PCDHGB2: variants seen among roughly 807,000 people sequenced by gnomAD.
PCDHGB2 encodes protocadherin gamma-B2.
In PCDHGB2, 55 loss-of-function variants were observed where a neutral mutation model predicts 59.3. The observed-to-expected ratio is 0.93, with a 90% CI of 0.75 to 1.16. The LOEUF (loss-of-function observed/expected upper bound fraction) is 1.16. PCDHGB2 is among the 50% of genes most tolerant of loss of function. PCDHGB2 has a pLI of 0.00. For missense variants in PCDHGB2, 1,228 were observed against 1,198.5 expected, an observed-to-expected ratio of 1.02 and a Z score of -0.36; for synonymous variants, 516 against 512.0, an observed-to-expected ratio of 1.01 and a Z score of -0.11.
At chr5:141,409,769 G>T (rs1413636372) in intron 1 of PCDHGB2, 3 of 1,612,776 alleles carry the variant, frequency 1.9e-6, no homozygotes, top group Middle Eastern at 1.7e-4. Flanking sequence ...CTTTGATCAC[G>T]AGCAGCTGCG....
chr5:141,486,901 T>A lies in PCDHGB2; in HGVS notation c.2422-7906T>A. The A allele has an allele frequency of 6.2e-7, 1 of 1,614,238 alleles. No homozygotes were observed. Among genetic ancestry groups the A allele is most frequent in the Non-Finnish European group, 8.5e-7 (1 of 1,180,042 alleles). ...CTCGGGCCCGGCCTGGTTCCTTATG[T>A]CCCCAAGCACTGCCTCCATCAGTTG... On this transcript the variant is annotated intron_variant, in intron 1 of 3. Transcript: ENST00000522605. This position sits in a 1 kb window ranked among gnomAD's most constrained non-coding sequence, Gnocchi z 5.0.
intron 1 of PCDHGB2, chr5:141,374,783 G>A: frequency 6.2e-7 from 1 of 1,613,908 alleles, no homozygotes; most frequent in Non-Finnish European, 8.5e-7. Flanking sequence ...AACAGTTCTA[G>A]ATGTGAATGA....
At position 141,413,888 on chromosome 5, in the gene PCDHGB2, A is replaced by G. The variant is rs777389288; in HGVS notation, c.2421+51332A>G. On this transcript the variant is annotated intron_variant, in intron 1 of 3. Transcript: ENST00000522605. Reference sequence around the variant, plus strand: ...GTCCTTGTCAGTGTGACTGTCTTCGATGCAAATGACAACGCGCCGGTCTTC... The same window carrying G: ...GTCCTTGTCAGTGTGACTGTCTTCGGTGCAAATGACAACGCGCCGGTCTTC... The G allele has an allele frequency of 2.5e-5, 40 of 1,613,256 alleles. No individual in the cohort carries two copies. Among genetic ancestry groups the G allele is most frequent in the Non-Finnish European group, 3.4e-5 (40 of 1,179,886 alleles).
intron 1 of PCDHGB2, chr5:141,390,918 T>G (rs997224874): frequency 5.2e-5 from 8 of 152,550 alleles, no homozygotes; most frequent in Non-Finnish European, 1.2e-4. Flanking sequence ...GAAAAAGGTC[T>G]ACTATGCTCA....
Position 141,477,365 on chromosome 5 carries a change from C to T in PCDHGB2, c.2422-17442C>T, listed in dbSNP as rs754438240. On this transcript the variant is annotated intron_variant, in intron 1 of 3. Transcript: ENST00000522605. The surrounding 1 kb of genome is among the most constrained non-coding windows in gnomAD (Gnocchi z 4.9). ...TTTGAAAACCAGTGCAGACCTGGAT[C>T]GGGAGACTGTGCCAGAATACAACCT... The T allele has an allele frequency of 6.2e-7, 1 of 1,614,156 alleles. No homozygotes were observed. The highest frequency in any genetic ancestry group is 1.7e-5 in the Admixed American group (1 of 60,022).
intron 3 of PCDHGB2, among the ~76,000 whole-genome samples, chr5:141,505,875 T>C (rs991981462): frequency 2.6e-4 from 40 of 152,140 alleles, no homozygotes; most frequent in African/African-American, 9.2e-4. Flanking sequence ...AAAGGGTTGT[T>C]GTAGAGATTA....
Position 141,432,044 on chromosome 5 carries a change from A to T in PCDHGB2, c.2422-62763A>T. 6.2e-7 allele frequency: 1 copy of T among 1,613,886 alleles called. No individual in the cohort carries two copies. Among genetic ancestry groups the T allele is most frequent in the Non-Finnish European group, 8.5e-7 (1 of 1,179,922 alleles). ...CACAGTGACCGCCACTGACCGGGGA[A>T]CCCCGCCCCTATCCACGGAAACTCA... On this transcript the variant is annotated intron_variant, in intron 1 of 3. Coordinates refer to ENST00000522605, the MANE Select transcript of PCDHGB2 (RefSeq NM_018923.3). This position sits in a 1 kb window ranked among gnomAD's most constrained non-coding sequence, Gnocchi z 6.0.
chr5:141,385,265 A>G lies in PCDHGB2; in HGVS notation c.2421+22709A>G. Reference sequence around the variant, plus strand: ...AGCCAGGAGAGCTGTGAGAAAAATGATTCTTTGCTAACATCCGTAGATTTT... The same window carrying G: ...AGCCAGGAGAGCTGTGAGAAAAATGGTTCTTTGCTAACATCCGTAGATTTT... On this transcript the variant is annotated intron_variant, in intron 1 of 3. Transcript: ENST00000522605. 1.2e-6 allele frequency: 2 copies of G among 1,613,710 alleles called. No individual in the cohort carries two copies. Among genetic ancestry groups the G allele is most frequent in the Non-Finnish European group, 1.7e-6 (2 of 1,179,576 alleles).
In PCDHGB2 at chr5:141,432,973, G is replaced by T. The variant is rs150572360; in HGVS notation, c.2422-61834G>T. The T allele has an allele frequency of 3.7e-6, 6 of 1,614,096 alleles. 1 individual carries two copies. The highest frequency in any genetic ancestry group is 1.7e-5 in the Admixed American group (1 of 60,014). Reference sequence around the variant, plus strand: ...GCGGCTTGACAGGAGCGCCGGCGTCGCACTTTGTGGGCGTGGACGGGGTGC... The same window carrying T: ...GCGGCTTGACAGGAGCGCCGGCGTCTCACTTTGTGGGCGTGGACGGGGTGC... On this transcript the variant is annotated intron_variant, in intron 1 of 3. Coordinates refer to ENST00000522605, the MANE Select transcript of PCDHGB2 (RefSeq NM_018923.3). This position sits in a 1 kb window ranked among gnomAD's most constrained non-coding sequence, Gnocchi z 6.0.
intron 1 of PCDHGB2, chr5:141,403,502 A>G: frequency 6.2e-7 from 1 of 1,613,998 alleles, no homozygotes; most frequent in Non-Finnish European, 8.5e-7. Context: ...GAACGTGCAG[A>G]CTGGAGACAA....
chr5:141,433,245 A>C, intron 1 of PCDHGB2: 3 of 1,459,776 alleles, frequency 2.1e-6, no homozygotes, highest in Non-Finnish European at 2.8e-6. Context: ...CCAAGCTGGA[A>C]TGCAGCGGTA....
chr5:141,502,825 G>A (rs1487995525), intron 2 of PCDHGB2, among the ~76,000 whole-genome samples: 4 of 151,216 alleles, frequency 2.6e-5, no homozygotes, highest in South Asian at 2.1e-4. Flanking sequence ...TTTCCTTGGG[G>A]AAGCCTGGAC....
chr5:141,365,788 A>T, intron 1 of PCDHGB2: 1 of 1,613,878 alleles, frequency 6.2e-7, no homozygotes, highest in South Asian at 1.1e-5. Flanking sequence ...ACAACGCTCG[A>T]GTCACCTACT....
intron 1 of PCDHGB2, chr5:141,410,724 C>G: frequency 7.2e-7 from 1 of 1,385,884 alleles, no homozygotes; most frequent in Non-Finnish European, 9.6e-7. Flanking sequence ...TGTTTAAAAT[C>G]CATAGCTTTT....
intron 1 of PCDHGB2, chr5:141,475,850 G>C (rs2099376325): frequency 8.6e-6 from 4 of 464,524 alleles, no homozygotes; most frequent in Non-Finnish European, 1.5e-5. Flanking sequence ...AGAGAGCCCG[G>C]CGCTAGCTCA....
At chr5:141,384,479 A>T (rs1457273587) in intron 1 of PCDHGB2, 2 of 1,614,064 alleles carry the variant, frequency 1.2e-6, no homozygotes, top group South Asian at 2.2e-5. Context: ...CAGTTGAGAG[A>T]ACTACAACTA....
At chr5:141,399,425 G>A (rs2093805755) in intron 1 of PCDHGB2, 1 of 1,613,990 alleles carries the variant, frequency 6.2e-7, no homozygotes. Context: ...TCCAGCATAA[G>A]CGTCATCCTA....
At chr5:141,407,505 T>TTTTTTTTTTTTTTTTTTTTTGAG (rs1460306566) in intron 1 of PCDHGB2, among the ~76,000 whole-genome samples, 2 of 152,146 alleles carry the variant, frequency 1.3e-5, no homozygotes, top group African/African-American at 4.8e-5. Context: ...CTGTTTTTCT[T>TTTTTTTTTTTTTTTTTTTTTGAG]AGGCTATGTA....
intron 1 of PCDHGB2, chr5:141,389,301 A>T: frequency 6.2e-7 from 1 of 1,614,008 alleles, no homozygotes; most frequent in Non-Finnish European, 8.5e-7. Context: ...TTCACAAGTC[A>T]GGGCTTCTGA....
Sources: gnomAD v4.1 joint callset for allele counts (sites outside exome capture counted in the v4.1 genomes callset) on GRCh38, gnomAD v4.1.1 for gene constraint, Gnocchi (gnomAD v3.1) non-coding constraint, MANE v1.5 for transcripts, NCBI Gene and HGNC (gene_info 2026-07-23, HGNC 2026-07-21) for gene names.